Variants in NTM observed in about 807,000 individuals in gnomAD.
NTM encodes the protein IgLON family member 2.
Under a neutral mutation model 42.1 loss-of-function variants are expected in NTM, and 13 were observed. The observed-to-expected ratio is 0.31, with a 90% confidence interval of 0.20 to 0.49. The LOEUF is 0.49. Ranked by LOEUF, NTM falls within the 20% of genes least tolerant of loss-of-function variation. NTM has a pLI of 0.99. For missense variants in NTM, 373 were observed against 452.8 expected (o/e 0.82, Z 1.60); for synonymous variants, 187 against 179.2 (o/e 1.04, Z -0.35).
chr11:132,315,000 G>A, intron 7 of NTM: 1 of 1,156,916 alleles, frequency 8.6e-7, no homozygotes, highest in Non-Finnish European at 1.1e-6. Context: ...AAATGAAAAA[G>A]AATGTTCATG....
At chr11:131,707,947 G>T (rs564320331) in intron 1 of NTM, among the ~76,000 whole-genome samples, 2 of 152,172 alleles carry the variant, frequency 1.3e-5, no homozygotes, top group African/African-American at 4.8e-5. Context: ...TAAATAAAAA[G>T]CATCCAAATT....
chr11:132,073,501 A>C (rs760083447), intron 2 of NTM, among the ~76,000 whole-genome samples: 1 of 152,206 alleles, frequency 6.6e-6, no homozygotes, highest in Non-Finnish European at 1.5e-5. Context: ...TTAAAAGGAC[A>C]TATGGCTCCA....
At chr11:131,405,207 G>C (rs34388351) in intron 1 of NTM, among the ~76,000 whole-genome samples, 506 of 152,232 alleles carry the variant, frequency 3.3e-3, no homozygotes, top group Admixed American at 6.2e-3. Context: ...ACTCTTTCTT[G>C]GTGACATTTA....
At chr11:131,566,482 G>C (rs1267374721) in intron 1 of NTM, among the ~76,000 whole-genome samples, 1 of 152,090 alleles carries the variant, frequency 6.6e-6, no homozygotes, top group Non-Finnish European at 1.5e-5. Context: ...CTAGATGCAA[G>C]GGGCATGCAG....
intron 1 of NTM, among the ~76,000 whole-genome samples, chr11:131,547,530 G>A (rs2054104375): frequency 6.6e-6 from 1 of 152,120 alleles, no homozygotes; most frequent in Non-Finnish European, 1.5e-5. Context: ...TTTGTGGACG[G>A]TGAAGTCCTG....
chr11:132,250,844 CTGATA>C (rs1404730789), intron 4 of NTM, among the ~76,000 whole-genome samples: 14 of 152,058 alleles, frequency 9.2e-5, no homozygotes, highest in African/African-American at 3.4e-4. Flanking sequence ...ATTCCATTAT[CTGATA>C]TATTTGTATA....
At chr11:131,901,650 C>G (rs1202679921) in intron 1 of NTM, among the ~76,000 whole-genome samples, 1 of 150,710 alleles carries the variant, frequency 6.6e-6, no homozygotes, top group Non-Finnish European at 1.5e-5. Context: ...AGCTCTCTGC[C>G]TTTGAAAAAA....
At chr11:132,215,808 G>A (rs900732101) in intron 4 of NTM, among the ~76,000 whole-genome samples, 8 of 152,226 alleles carry the variant, frequency 5.3e-5, no homozygotes, top group Admixed American at 2.0e-4. Flanking sequence ...GAGATGGGCC[G>A]ATGTTGTTTG....
At chr11:132,038,321 G>A (rs755782311) in intron 2 of NTM, among the ~76,000 whole-genome samples, 4 of 152,196 alleles carry the variant, frequency 2.6e-5, no homozygotes, top group Admixed American at 6.5e-5. Flanking sequence ...AGCTGGCCCC[G>A]GCTGTGTGTT....
At chr11:131,595,523 C>G (rs2059740495) in intron 1 of NTM, among the ~76,000 whole-genome samples, 1 of 152,190 alleles carries the variant, frequency 6.6e-6, no homozygotes, top group South Asian at 2.1e-4. Flanking sequence ...AATGACATCT[C>G]CATCCCAAGC....
chr11:131,662,231 A>G (rs2068202886), intron 1 of NTM: 1 of 152,218 alleles, frequency 6.6e-6, no homozygotes, highest in African/African-American at 2.4e-5. Context: ...ATAAAAGAAA[A>G]CTCAAAACCC....
intron 1 of NTM, among the ~76,000 whole-genome samples, chr11:131,788,235 C>T (rs1459988415): frequency 6.6e-6 from 1 of 151,986 alleles, no homozygotes; most frequent in Non-Finnish European, 1.5e-5. Flanking sequence ...TTCAATTTAT[C>T]TATCTTCTTA....
chr11:132,253,960 C>T (rs908174011), intron 4 of NTM, among the ~76,000 whole-genome samples: 3 of 152,170 alleles, frequency 2.0e-5, no homozygotes, highest in East Asian at 1.9e-4. Context: ...CCTGAGTTCT[C>T]CCTGGATATG....
At position 132,112,759 on chromosome 11, in the gene NTM, A is replaced by G. The variant is rs539954607; in HGVS notation, c.168-33523A>G. Among the ~76,000 whole-genome samples the G allele has an allele frequency of 1.8e-3, 261 of 144,990 alleles. 4 individuals carry two copies. The highest frequency in any genetic ancestry group is 6.6e-3 in the African/African-American group (255 of 38,370). On this transcript the variant is annotated intron_variant, in intron 2 of 8. Coordinates refer to ENST00000683400, the MANE Select transcript of NTM (RefSeq NM_001352005.2). Reference sequence around the variant, plus strand: ...CACACACACACACACACACACACACATTACATGGCAAGTCTTCTGGATTAG... The same window carrying G: ...CACACACACACACACACACACACACGTTACATGGCAAGTCTTCTGGATTAG...
chr11:131,708,718 G>A (rs1445922569), intron 1 of NTM, among the ~76,000 whole-genome samples: 1 of 152,090 alleles, frequency 6.6e-6, no homozygotes, highest in Non-Finnish European at 1.5e-5. Flanking sequence ...TATATTGAGG[G>A]CCTTCTATAT....
intron 2 of NTM, among the ~76,000 whole-genome samples, chr11:132,084,093 T>C (rs1192933732): frequency 6.6e-6 from 1 of 152,172 alleles, no homozygotes; most frequent in African/African-American, 2.4e-5. Flanking sequence ...AAGTCCTGTA[T>C]GTTTTTCCTT....
chr11:131,656,779 G>T (rs78539519), intron 1 of NTM, among the ~76,000 whole-genome samples: 1,910 of 152,238 alleles, frequency 0.013, 41 homozygotes, highest in African/African-American at 0.043. Flanking sequence ...TTCAGAGAGG[G>T]TGTTTGAGAC....
At chr11:131,660,986 A>G (rs1050158327) in intron 1 of NTM, 11 of 1,296,714 alleles carry the variant, frequency 8.5e-6, no homozygotes, top group Non-Finnish European at 1.1e-5. Flanking sequence ...TTTAAAGTGG[A>G]AAAAAAAATG....
At chr11:132,199,858 C>T (rs867608058) in intron 3 of NTM, among the ~76,000 whole-genome samples, 5 of 151,098 alleles carry the variant, frequency 3.3e-5, no homozygotes, top group African/African-American at 9.7e-5. Context: ...CAACTGGTTG[C>T]GTCCCTCCAA....
Sources: gnomAD v4.1 joint callset for allele counts (sites outside exome capture counted in the v4.1 genomes callset) on GRCh38, gnomAD v4.1.1 for gene constraint, MANE v1.5 for transcripts, NCBI Gene and HGNC (gene_info 2026-07-23, HGNC 2026-07-21) for gene names.